The following OTUD7A variants were observed in gnomAD, a reference collection of about 807,000 sequenced individuals.
OTUD7A encodes OTU domain-containing protein 7A.
OTUD7A carries 12 observed loss-of-function variants against 65.7 expected under a neutral mutation model. That is an observed-to-expected ratio of 0.18 (90% CI 0.12 to 0.30). The LOEUF (loss-of-function observed/expected upper bound fraction) is 0.30, where lower values mean the gene tolerates loss of function less well. Ranked by LOEUF, OTUD7A falls within the 10% of genes least tolerant of loss-of-function variation. The pLI, the probability that OTUD7A is intolerant of heterozygous loss-of-function variation, is 1.00. For synonymous variants in OTUD7A, 641 were observed against 586.3 expected (o/e 1.09, Z -1.35); for missense variants, 1,148 against 1,304.8 (o/e 0.88, Z 1.85).
chr15:31,701,654 A>G (rs988109878), intron 1 of OTUD7A, among the ~76,000 whole-genome samples: 18 of 150,780 alleles, frequency 1.2e-4, no homozygotes, highest in African/African-American at 4.3e-4. Flanking sequence ...AATTAAATTC[A>G]GAATTTAAAA....
intron 1 of OTUD7A, among the ~76,000 whole-genome samples, chr15:31,720,440 C>T (rs1202811380): frequency 2.0e-5 from 3 of 150,880 alleles, no homozygotes; most frequent in African/African-American, 7.3e-5. Context: ...CTCGCTGTCG[C>T]CCAGGCTGGA....
At chr15:31,724,681 A>C (rs1371248819) in intron 1 of OTUD7A, among the ~76,000 whole-genome samples, 2 of 152,198 alleles carry the variant, frequency 1.3e-5, no homozygotes, top group Non-Finnish European at 2.9e-5. Flanking sequence ...CGCATCTTTC[A>C]CAGTCAGAAT....
At position 31,487,137 on chromosome 15, in the gene OTUD7A, GGAGCT is replaced by G; in HGVS notation, c.1371+52_1371+56del. 1 of 1,530,228 alleles carries G rather than the reference GGAGCT, an allele frequency of 6.5e-7. No homozygotes were observed. Among genetic ancestry groups the G allele is most frequent in the Non-Finnish European group, 9.0e-7 (1 of 1,110,042 alleles). 94.8% of individuals were successfully genotyped at this position (1,530,228 alleles called of 1,614,324 possible). A position where few individuals can be genotyped will look rare whatever the true frequency, so the allele number is the denominator to read the frequency against. On this transcript the variant is annotated intron_variant, in intron 12 of 12. Transcript: ENST00000307050. The surrounding 1 kb of genome is among the most constrained non-coding windows in gnomAD (Gnocchi z 6.0). ...TGGGAGGATGCACCCTGGTCAGACT[GGAGCT>G]GAGCAGCCTGGACCCTGCTGCCAGG...
At chr15:31,637,262 G>A (rs1003136231) in intron 3 of OTUD7A, among the ~76,000 whole-genome samples, 1 of 152,174 alleles carries the variant, frequency 6.6e-6, no homozygotes, top group African/African-American at 2.4e-5. Flanking sequence ...AAGTTCTAGT[G>A]CCCTTAAGAA....
chr15:31,854,949 TAATAG>T (rs1161553822), intron 1 of OTUD7A, among the ~76,000 whole-genome samples: 1 of 152,046 alleles, frequency 6.6e-6, no homozygotes, highest in African/African-American at 2.4e-5. Context: ...TGCAACTAAA[TAATAG>T]AATAAAGGCA....
At chr15:31,633,037 C>T (rs1891227573) in intron 3 of OTUD7A, among the ~76,000 whole-genome samples, 4 of 152,202 alleles carry the variant, frequency 2.6e-5, no homozygotes, top group Non-Finnish European at 5.9e-5. Flanking sequence ...CTTTCTTTGA[C>T]TAGGAAAGGG....
intron 3 of OTUD7A, among the ~76,000 whole-genome samples, chr15:31,632,213 T>A (rs1891188008): frequency 6.6e-6 from 1 of 152,202 alleles, no homozygotes; most frequent in South Asian, 2.1e-4. Context: ...TCCCCATCTT[T>A]GTGGCTTTAT....
rs184220888 is a variant in OTUD7A, at chr15:31,829,727, C to A, written c.-100+40780G>T. Among the ~76,000 whole-genome samples the A allele has an allele frequency of 2.2e-3, 332 of 152,272 alleles. 1 individual carries two copies. The highest frequency in any genetic ancestry group is 4.2e-3 in the Non-Finnish European group (284 of 68,020). On this transcript the variant is annotated intron_variant, in intron 1 of 12. Transcript: ENST00000307050. Reference sequence around the variant, plus strand: ...CACAACCCAGGGAGACAGAAAACATCCAAAATGATTCTGGCACAGGCTGTG... The same window carrying A: ...CACAACCCAGGGAGACAGAAAACATACAAAATGATTCTGGCACAGGCTGTG...
chr15:31,678,565 G>A (rs545916260), intron 1 of OTUD7A, among the ~76,000 whole-genome samples: 58 of 152,328 alleles, frequency 3.8e-4, no homozygotes, highest in Admixed American at 3.8e-3. Context: ...TGGCTAAAAC[G>A]GGCCAATGTA....
chr15:31,496,585 A>C (rs1441994912), intron 10 of OTUD7A, among the ~76,000 whole-genome samples: 1 of 152,248 alleles, frequency 6.6e-6, no homozygotes, highest in African/African-American at 2.4e-5. Context: ...GATACTTGTA[A>C]CATGTAAAGA....
At chr15:31,507,578 G>A (rs969937007) in intron 8 of OTUD7A, among the ~76,000 whole-genome samples, 1 of 152,114 alleles carries the variant, frequency 6.6e-6, no homozygotes, top group African/African-American at 2.4e-5. Context: ...GAGAGAGAAA[G>A]AACAAAGGTT....
At chr15:31,698,275 G>A (rs1323887340) in intron 1 of OTUD7A, among the ~76,000 whole-genome samples, 1 of 152,116 alleles carries the variant, frequency 6.6e-6, no homozygotes, top group Non-Finnish European at 1.5e-5. Context: ...ATCCAACTTG[G>A]TCCCTTTTAT....
intron 1 of OTUD7A, among the ~76,000 whole-genome samples, chr15:31,661,247 T>A (rs1323200063): frequency 6.6e-6 from 1 of 152,242 alleles, no homozygotes; most frequent in Non-Finnish European, 1.5e-5. Flanking sequence ...TAGGATCTAC[T>A]GGGGTTTTGT....
At chr15:31,613,172 G>T (rs534387045) in intron 3 of OTUD7A, among the ~76,000 whole-genome samples, 1 of 152,198 alleles carries the variant, frequency 6.6e-6, no homozygotes, top group Admixed American at 6.5e-5. Flanking sequence ...TTATATATAA[G>T]ACCTGAAACT....
chr15:31,620,216 GT>G lies in OTUD7A; in HGVS notation c.151+34879del, dbSNP rs1890735327. Among the ~76,000 whole-genome samples, 104 of 151,696 alleles carry G rather than the reference GT, an allele frequency of 6.9e-4. 1 individual carries two copies. The highest frequency in any genetic ancestry group is 2.4e-3 in the African/African-American group (97 of 41,034). ...GCATCGATGTTCATCAGGGATATTA[GT>G]CTAAAATTCTCTTTTTTGTGTGTGT... On this transcript the variant is annotated intron_variant, in intron 3 of 12. Coordinates refer to ENST00000307050, the MANE Select transcript of OTUD7A (RefSeq NM_001382637.1).
intron 3 of OTUD7A, among the ~76,000 whole-genome samples, chr15:31,576,790 G>A (rs115463762): frequency 6.6e-6 from 1 of 152,324 alleles, no homozygotes; most frequent in African/African-American, 2.4e-5. Flanking sequence ...AAGTTAAACT[G>A]TGTATATCGT....
At chr15:31,619,691 T>C (rs1890714338) in intron 3 of OTUD7A, among the ~76,000 whole-genome samples, 1 of 152,126 alleles carries the variant, frequency 6.6e-6, no homozygotes, top group Admixed American at 6.5e-5. Flanking sequence ...GTTTTCTAGA[T>C]ATACAATCAT....
chr15:31,777,703 T>C (rs1045052534), intron 1 of OTUD7A, among the ~76,000 whole-genome samples: 1 of 152,014 alleles, frequency 6.6e-6, no homozygotes, highest in Non-Finnish European at 1.5e-5. Context: ...TGGATGCACA[T>C]GGAAGAGATC....
At chr15:31,818,517 G>GATACAGAAATGAGCATCTGCTAGT (rs1896605174) in intron 1 of OTUD7A, among the ~76,000 whole-genome samples, 1 of 152,200 alleles carries the variant, frequency 6.6e-6, no homozygotes, top group Admixed American at 6.5e-5. Flanking sequence ...CTGTCTTTGA[G>GATACAGAAATGAGCATCTGCTAGT]GGGTGAGACC....
Sources: gnomAD v4.1 joint callset for allele counts (sites outside exome capture counted in the v4.1 genomes callset) on GRCh38, gnomAD v4.1.1 for gene constraint, Gnocchi (gnomAD v3.1) non-coding constraint, MANE v1.5 for transcripts, NCBI Gene and HGNC (gene_info 2026-07-23, HGNC 2026-07-21) for gene names.